The following ITGAV variants were observed in gnomAD, a reference collection of about 807,000 sequenced individuals.
The protein encoded by ITGAV is integrin subunit alpha V.
In ITGAV, 76 loss-of-function variants were observed where a neutral mutation model predicts 143.8. The ratio of observed to expected loss-of-function variants is 0.53; its 90% CI spans 0.44 to 0.64. The LOEUF (loss-of-function observed/expected upper bound fraction) is 0.64, where lower values mean the gene tolerates loss of function less well. Among genes scored for constraint, ITGAV ranks in the 30% least tolerant of loss-of-function variants. The pLI, the probability that ITGAV is intolerant of heterozygous loss-of-function variation, is 0.00. For missense variants in ITGAV, 1,193 were observed against 1,274.7 expected, an observed-to-expected ratio of 0.94 and a Z score of 0.98; for synonymous variants, 453 against 446.7, an observed-to-expected ratio of 1.01 and a Z score of -0.18.
chr2:186,641,511 T>C lies in ITGAV; in HGVS notation c.1082T>C (p.Leu361Pro). The C allele has an allele frequency of 6.2e-7, 1 of 1,614,224 alleles. No homozygotes were observed. The highest frequency in any genetic ancestry group is 8.5e-7 in the Non-Finnish European group (1 of 1,180,044). ...RASGDFQTTK[L>P]NGFEVFARFG... ...TCAGGAGACTTCCAGACGACAAAGCTGAATGGATTTGAGGTCTTTGCACGG... is the reference window on the plus strand; with the variant it reads ...TCAGGAGACTTCCAGACGACAAAGCCGAATGGATTTGAGGTCTTTGCACGG... Residue 361 changes from leucine (L) to proline (P), a missense_variant, in exon 12 of 30, where the codon CTG becomes CCG. By Grantham distance (98) the Leu-to-Pro change is moderately conservative. Coordinates refer to ENST00000261023, the MANE Select transcript of ITGAV (RefSeq NM_002210.5).
At chr2:186,637,019 A>G (rs1687962929) in intron 7 of ITGAV, 46 bp from the exon 8 acceptor site, 1 of 1,539,856 alleles carries the variant, frequency 6.5e-7, no homozygotes, top group Non-Finnish European at 9.0e-7. Flanking sequence ...CCTGCTGAAG[A>G]TAACGTCCTT....
At chr2:186,605,875 A>ATACATATATTCTTATGTATATGTATAT (rs1339436372) in intron 2 of ITGAV, among the ~76,000 whole-genome samples, 1 of 149,586 alleles carries the variant, frequency 6.7e-6, no homozygotes, top group Non-Finnish European at 1.5e-5. Flanking sequence ...TATATGTATA[A>ATACATATATTCTTATGTATATGTATAT]TACATATATT....
At chr2:186,616,245 T>C (rs2105676475) in intron 2 of ITGAV, among the ~76,000 whole-genome samples, 1 of 152,136 alleles carries the variant, frequency 6.6e-6, no homozygotes, top group South Asian at 2.1e-4. Context: ...ATCTGAATAT[T>C]TGCAGCTCTG....
intron 2 of ITGAV, among the ~76,000 whole-genome samples, chr2:186,610,975 T>G (rs1324980731): frequency 6.6e-6 from 1 of 152,184 alleles, no homozygotes; most frequent in African/African-American, 2.4e-5. Flanking sequence ...AACACATCTG[T>G]TATCTTTAGT....
chr2:186,672,695 C>A lies in ITGAV; in HGVS notation c.2706+2881C>A, dbSNP rs143705891. Among the ~76,000 whole-genome samples the A allele has an allele frequency of 9.5e-3, 1,449 of 152,310 alleles. 13 individuals carry two copies. The highest frequency in any genetic ancestry group is 0.015 in the Non-Finnish European group (1,017 of 68,018). On this transcript the variant is annotated intron_variant, in intron 26 of 29. Transcript: ENST00000261023. ...TTCCCTGTAGACTGATGATATTCAGCATCTTTTCAGTTGTGTATCTTTTTT... is the reference window on the plus strand; with the variant it reads ...TTCCCTGTAGACTGATGATATTCAGAATCTTTTCAGTTGTGTATCTTTTTT...
At chr2:186,652,113 G>A in intron 15 of ITGAV, 24 bp downstream of exon 15, 1 of 1,321,256 alleles carries the variant, frequency 7.6e-7, no homozygotes, top group Non-Finnish European at 1.1e-6. Context: ...TTTAATAATA[G>A]TTATTATTGT....
intron 3 of ITGAV, 23 bp from the exon 4 acceptor site, chr2:186,625,449 CG>C: frequency 6.7e-7 from 1 of 1,493,726 alleles, no homozygotes. Context: ...ATCTTCGTGT[CG>C]TGGACTAAAC....
chr2:186,641,409 C>A lies in ITGAV; in HGVS notation c.980C>A (p.Ala327Glu), dbSNP rs765100125. The change falls in exon 12 of 30, where the codon GCA (alanine) becomes GAA (glutamate). Residue 327 changes from alanine (A) to glutamate (E), a missense_variant. Transcript: ENST00000261023. The stretch of plus-strand genomic sequence containing the variant: ...AGTTATGCAGATGTGTTTATTGGAG[C>A]ACCTCTCTTCATGGATCGTGGCTCT... The part of the protein sequence containing the change: ...GDDYADVFIG[A>E]PLFMDRGSDG... 2 of 1,614,026 alleles carry A rather than the reference C, an allele frequency of 1.2e-6. No homozygotes were observed. The highest frequency in any genetic ancestry group is 1.7e-6 in the Non-Finnish European group (2 of 1,179,902).
intron 3 of ITGAV, 94 bp downstream of exon 3, chr2:186,622,524 G>C: frequency 1.2e-6 from 1 of 817,766 alleles, no homozygotes; most frequent in South Asian, 1.5e-5. Flanking sequence ...GTAAAATTCA[G>C]TATGCTCAAG....
intron 12 of ITGAV, among the ~76,000 whole-genome samples, chr2:186,642,270 A>C (rs1257226472): frequency 6.6e-6 from 1 of 152,200 alleles, no homozygotes; most frequent in Non-Finnish European, 1.5e-5. Context: ...TAGAGATCAC[A>C]GAATGGATAG....
intron 13 of ITGAV, among the ~76,000 whole-genome samples, chr2:186,647,386 C>T (rs1423579541): frequency 2.6e-5 from 4 of 152,130 alleles, no homozygotes; most frequent in South Asian, 4.2e-4. Flanking sequence ...CAGGCAAGCA[C>T]CACCATGCCT....
chr2:186,620,455 C>T (rs1687489534), intron 2 of ITGAV, among the ~76,000 whole-genome samples: 1 of 152,124 alleles, frequency 6.6e-6, no homozygotes, highest in Non-Finnish European at 1.5e-5. Flanking sequence ...GATAAGAGAA[C>T]TCTTCCGCAT....
chr2:186,659,213 TA>T (rs1222726320), intron 18 of ITGAV, 38 bp downstream of exon 18: 2 of 1,361,892 alleles, frequency 1.5e-6, no homozygotes, highest in East Asian at 5.4e-5. Flanking sequence ...GATATTTTGT[TA>T]TTTTTTTTTA....
intron 3 of ITGAV, among the ~76,000 whole-genome samples, chr2:186,623,715 A>C (rs928343530): frequency 6.6e-6 from 1 of 152,334 alleles, no homozygotes; most frequent in Non-Finnish European, 1.5e-5. Flanking sequence ...AAAAACAAAT[A>C]AAAAACTATT....
intron 12 of ITGAV, among the ~76,000 whole-genome samples, chr2:186,643,661 T>C (rs1688170170): frequency 6.6e-6 from 1 of 152,156 alleles, no homozygotes; most frequent in South Asian, 2.1e-4. Context: ...TCCAAAATTT[T>C]ATATAGCCCC....
chr2:186,650,901 T>A (rs1323009948), intron 14 of ITGAV, among the ~76,000 whole-genome samples: 1 of 152,172 alleles, frequency 6.6e-6, no homozygotes, highest in Non-Finnish European at 1.5e-5. Flanking sequence ...AGTTTTAATC[T>A]CTCTAAAAAT....
chr2:186,646,833 A>G lies in ITGAV; in HGVS notation c.1307A>G (p.Tyr436Cys), dbSNP rs201332846. 1.6e-5 allele frequency: 26 copies of G among 1,608,274 alleles called. No individual in the cohort carries two copies. Among genetic ancestry groups the G allele is most frequent in the African/African-American group, 1.1e-4 (8 of 74,826 alleles). The change falls in exon 13 of 30, where the codon TAT becomes TGT. Residue 436 changes from tyrosine to cysteine, a missense_variant. Transcript: ENST00000261023. ...CGAAGCATGCCACCAAGCTTTGGCT[A>G]TTCAATGAAAGGAGCCACAGATATA... ...AARSMPPSFG[Y>C]SMKGATDIDK...
Position 186,590,608 on chromosome 2 carries a change from C to A in ITGAV, c.185+85C>A, listed in dbSNP as rs527496900. On this transcript the variant is annotated intron_variant, in intron 1 of 29. Transcript: ENST00000261023. The stretch of plus-strand genomic sequence containing the variant: ...GCGTTTCTCCATTGGGATTGATTTC[C>A]GAGAGATCCCGGCGTCTGTCTGTCT... The A allele has an allele frequency of 1.3e-4, 163 of 1,235,614 alleles. 1 individual carries two copies. Among genetic ancestry groups the A allele is most frequent in the Admixed American group, 9.0e-4 (37 of 41,040 alleles). 76.5% of individuals were successfully genotyped at this position (1,235,614 alleles called of 1,614,324 possible).
chr2:186,641,313 G>A (rs1229643892), intron 11 of ITGAV, 73 bp from the exon 12 acceptor site: 1 of 1,150,252 alleles, frequency 8.7e-7, no homozygotes, highest in Non-Finnish European at 1.3e-6. Flanking sequence ...AAAGTGAGTT[G>A]TAGTAAGAAA....
Sources: gnomAD v4.1 joint callset for allele counts (sites outside exome capture counted in the v4.1 genomes callset) on GRCh38, gnomAD v4.1.1 for gene constraint, MANE v1.5 for transcripts, NCBI Gene and HGNC (gene_info 2026-07-23, HGNC 2026-07-21) for gene names.